Variants in HSF2BP observed in about 807,000 individuals in gnomAD.
The protein encoded by HSF2BP is heat shock factor 2-binding protein.
Under a neutral mutation model 35.0 loss-of-function variants are expected in HSF2BP, and 35 were observed. That is an observed-to-expected ratio of 1.00 (90% confidence interval 0.76 to 1.32). The LOEUF (loss-of-function observed/expected upper bound fraction) is 1.32. Among genes scored for constraint, HSF2BP ranks in the 40% most tolerant of loss-of-function variants. HSF2BP has a pLI of 0.00. For synonymous variants in HSF2BP, 114 were observed against 117.4 expected (o/e 0.97, Z 0.18); for missense variants, 326 against 321.7 (o/e 1.01, Z -0.10).
Position 43,648,621 on chromosome 21 carries a change from C to G in HSF2BP, c.188-4229G>C, listed in dbSNP as rs1255097200. Among the ~76,000 whole-genome samples the G allele has an allele frequency of 3.9e-5, 6 of 152,366 alleles. No homozygotes were observed. In the East Asian group the frequency reaches 1.2e-3, roughly 29 times the overall value. ...TGACACACTCTTCATGTTCTTTTATCTGGGCCACAATAAACTCCGAGTCAA... is the reference window on the plus strand; with the variant it reads ...TGACACACTCTTCATGTTCTTTTATGTGGGCCACAATAAACTCCGAGTCAA... On this transcript the variant is annotated intron_variant, in intron 3 of 8. Coordinates refer to ENST00000291560, the MANE Select transcript of HSF2BP (RefSeq NM_007031.2).
intron 5 of HSF2BP, among the ~76,000 whole-genome samples, chr21:43,632,258 C>A (rs1348318734): frequency 2.0e-5 from 2 of 99,604 alleles, no homozygotes; most frequent in South Asian, 3.6e-4. Context: ...CACACACTCC[C>A]CCACACACAC....
intron 4 of HSF2BP, among the ~76,000 whole-genome samples, chr21:43,637,086 C>T (rs2082572678): frequency 6.6e-6 from 1 of 150,806 alleles, no homozygotes; most frequent in African/African-American, 2.4e-5. Context: ...GCCAGGAGTT[C>T]GAGACCAGCC....
intron 3 of HSF2BP, among the ~76,000 whole-genome samples, chr21:43,649,158 G>A (rs1458280875): frequency 1.3e-5 from 2 of 152,080 alleles, no homozygotes; most frequent in Non-Finnish European, 2.9e-5. Flanking sequence ...GGGCTCAAGC[G>A]ACTCTCCTGC....
chr21:43,609,796 A>G (rs1380514428), intron 7 of HSF2BP: 1 of 152,400 alleles, frequency 6.6e-6, no homozygotes, highest in Non-Finnish European at 1.5e-5. Flanking sequence ...AGGCTGGTGC[A>G]TGCTGAGATC....
chr21:43,652,039 G>T (rs2082793832), intron 3 of HSF2BP, among the ~76,000 whole-genome samples: 1 of 152,134 alleles, frequency 6.6e-6, no homozygotes, highest in South Asian at 2.1e-4. Flanking sequence ...CACTCTAAAA[G>T]AAACTTCTCA....
chr21:43,631,404 T>C (rs998247689), intron 5 of HSF2BP, among the ~76,000 whole-genome samples: 3 of 151,880 alleles, frequency 2.0e-5, no homozygotes, highest in Non-Finnish European at 4.4e-5. Context: ...CTGCCACAGC[T>C]CTCATACATG....
intron 4 of HSF2BP, 136 bp from the exon 5 acceptor site, chr21:43,633,557 A>T (rs2082512313): frequency 1.2e-6 from 1 of 800,086 alleles, no homozygotes; most frequent in Non-Finnish European, 1.9e-6. Context: ...AATGAAAGCT[A>T]GTCCTAAGAG....
intron 3 of HSF2BP, among the ~76,000 whole-genome samples, chr21:43,651,028 C>G (rs2082778790): frequency 6.6e-6 from 1 of 152,124 alleles, no homozygotes; most frequent in Non-Finnish European, 1.5e-5. Context: ...CTCTTGCAAA[C>G]ATAGCTGAGT....
At chr21:43,657,338 C>A (rs1199661060) in intron 2 of HSF2BP, among the ~76,000 whole-genome samples, 4 of 152,192 alleles carry the variant, frequency 2.6e-5, no homozygotes, top group African/African-American at 9.7e-5. Context: ...CCAGTCTGGG[C>A]AACAGAGCAA....
intron 8 of HSF2BP, among the ~76,000 whole-genome samples, chr21:43,580,405 C>T (rs1324294828): frequency 2.0e-5 from 3 of 152,130 alleles, no homozygotes; most frequent in Admixed American, 1.3e-4. Context: ...CATCCTTTGA[C>T]GTACGAAGTG....
At chr21:43,579,588 ACT>A (rs2081695450) in intron 8 of HSF2BP, among the ~76,000 whole-genome samples, 1 of 151,808 alleles carries the variant, frequency 6.6e-6, no homozygotes, top group Non-Finnish European at 1.5e-5. Context: ...GACACACAAA[ACT>A]CTCCTTTCAC....
At chr21:43,571,875 A>G (rs1202994702) in intron 8 of HSF2BP, among the ~76,000 whole-genome samples, 4 of 146,546 alleles carry the variant, frequency 2.7e-5, no homozygotes, top group African/African-American at 1.0e-4. Context: ...TGGGGATGTC[A>G]GTGGTGTAAT....
intron 4 of HSF2BP, among the ~76,000 whole-genome samples, chr21:43,635,900 G>A (rs143735029): frequency 0.028 from 3,897 of 136,906 alleles, 204 homozygotes; most frequent in African/African-American, 0.1. Context: ...CTGCACTCCA[G>A]CCTGGGTGAC....
rs561638768 is a variant in HSF2BP, at chr21:43,633,523, G to A, written c.292-102C>T. 5.9e-6 allele frequency: 6 copies of A among 1,019,864 alleles called. No individual in the cohort carries two copies. The South Asian group carries it at 1.1e-4, about 19-fold the overall frequency. The allele number at this position is 1,019,864 out of a possible 1,614,324, so 63.2% of individuals were successfully genotyped here. On this transcript the variant is annotated intron_variant, in intron 4 of 8. Coordinates refer to ENST00000291560, the MANE Select transcript of HSF2BP (RefSeq NM_007031.2). The stretch of plus-strand genomic sequence containing the variant: ...AAAGATATTTATTAAAGAAATGCAT[G>A]TATAATTATAGAAAATAGTTGCAAA...
At chr21:43,584,134 AG>A (rs2081812915) in intron 8 of HSF2BP, among the ~76,000 whole-genome samples, 1 of 142,300 alleles carries the variant, frequency 7.0e-6, no homozygotes, top group Admixed American at 6.9e-5. Flanking sequence ...GACCTGCCGA[AG>A]GAGATGAAGG....
intron 8 of HSF2BP, among the ~76,000 whole-genome samples, 168 bp downstream of exon 8, chr21:43,592,057 C>A (rs1368890296): frequency 2.0e-5 from 3 of 152,140 alleles, no homozygotes; most frequent in African/African-American, 7.2e-5. Flanking sequence ...ATAAATTAAA[C>A]TTTACATACA....
chr21:43,641,568 G>A (rs1235824435), intron 4 of HSF2BP, among the ~76,000 whole-genome samples: 1 of 152,052 alleles, frequency 6.6e-6, no homozygotes, highest in African/African-American at 2.4e-5. Context: ...TTATGATTTG[G>A]GTTCCATACT....
chr21:43,467,746 C>T, the HSF2BP span, among the ~76,000 whole-genome samples: 1 of 93,956 alleles, frequency 1.1e-5, no homozygotes, highest in Non-Finnish European at 2.1e-5. Context: ...CCACAAACCA[C>T]ACACCACACA....
intron 4 of HSF2BP, among the ~76,000 whole-genome samples, chr21:43,641,648 A>T (rs1344844686): frequency 2.0e-5 from 3 of 151,990 alleles, no homozygotes; most frequent in Non-Finnish European, 4.4e-5. Flanking sequence ...TTTCACTCAT[A>T]CAGAAGTACT....
Sources: gnomAD v4.1 joint callset for allele counts (sites outside exome capture counted in the v4.1 genomes callset) on GRCh38, gnomAD v4.1.1 for gene constraint, MANE v1.5 for transcripts, NCBI Gene and HGNC (gene_info 2026-07-23, HGNC 2026-07-21) for gene names.